The following ASNS variants were observed in gnomAD, a reference collection of about 807,000 sequenced individuals.
ASNS encodes asparagine synthetase (glutamine-hydrolyzing).
ASNS carries 37 observed loss-of-function variants against 62.6 expected under a neutral mutation model. The ratio of observed to expected loss-of-function variants is 0.59; its 90% CI spans 0.45 to 0.78. The LOEUF (loss-of-function observed/expected upper bound fraction) is 0.78, where lower values mean the gene tolerates loss of function less well. Ranked by LOEUF, ASNS falls within the 30% of genes least tolerant of loss-of-function variation. The pLI is 0.00. For missense variants in ASNS, 520 were observed against 682.4 expected, an observed-to-expected ratio of 0.76 and a Z score of 2.65; for synonymous variants, 207 against 237.9, an observed-to-expected ratio of 0.87 and a Z score of 1.19.
At chr7:97,881,177 G>A in the ASNS span, among the ~76,000 whole-genome samples, 4 of 152,260 alleles carry the variant, frequency 2.6e-5, no homozygotes, top group East Asian at 7.7e-4. Flanking sequence ...CCCAGCCTCA[G>A]GTGATCTGCC....
chr7:97,854,540 T>A (rs368356811), intron 10 of ASNS, 40 bp downstream of exon 10: 3 of 1,588,874 alleles, frequency 1.9e-6, no homozygotes, highest in African/African-American at 2.7e-5. Flanking sequence ...TTTTTGGTGT[T>A]TTTTTGTTTT....
the ASNS span, among the ~76,000 whole-genome samples, chr7:97,915,599 G>C: frequency 6.6e-6 from 1 of 152,192 alleles, no homozygotes; most frequent in African/African-American, 2.4e-5. Context: ...CATGAAAGCA[G>C]ATAACAGGGG....
At chr7:97,928,266 C>G in the ASNS span, 1 of 1,523,748 alleles carries the variant, frequency 6.6e-7, no homozygotes, top group South Asian at 1.2e-5. Flanking sequence ...TCGGGGCTTG[C>G]CAGTGGCTTT....
At chr7:97,853,517 C>A in intron 10 of ASNS, 131 bp from the exon 11 acceptor site, 1 of 698,666 alleles carries the variant, frequency 1.4e-6, no homozygotes, top group Non-Finnish European at 2.4e-6. Context: ...CACATACAAG[C>A]CTCCTAATGA....
At chr7:97,912,565 CTT>C in the ASNS span, among the ~76,000 whole-genome samples, 61 of 41,478 alleles carry the variant, frequency 1.5e-3, no homozygotes, top group Non-Finnish European at 2.3e-3. Flanking sequence ...GTTAACTTTG[CTT>C]TTTTTTTTTT....
chr7:97,873,855 C>T (rs1054538779), upstream of ASNS, among the ~76,000 whole-genome samples: 15 of 152,148 alleles, frequency 9.9e-5, no homozygotes, highest in African/African-American at 3.6e-4. Flanking sequence ...ACCTCACTTT[C>T]TATCCTGGCT....
At chr7:97,889,902 T>A in the ASNS span, among the ~76,000 whole-genome samples, 1 of 27,902 alleles carries the variant, frequency 3.6e-5, no homozygotes, top group Non-Finnish European at 6.6e-5. Flanking sequence ...CTCAGGGAGA[T>A]ACAAGAGAAC....
chr7:97,862,690 G>A (rs1428531299), intron 4 of ASNS, among the ~76,000 whole-genome samples: 1 of 151,750 alleles, frequency 6.6e-6, no homozygotes, highest in Non-Finnish European at 1.5e-5. Context: ...TAAGAGTGGG[G>A]AAAACTGGGC....
At chr7:97,867,863 C>G (rs1303557625) in intron 3 of ASNS, among the ~76,000 whole-genome samples, 1 of 152,114 alleles carries the variant, frequency 6.6e-6, no homozygotes, top group Non-Finnish European at 1.5e-5. Context: ...GAGCAGGCAA[C>G]AAACAATGAC....
At chr7:97,855,000 CGGG>C (rs1440347935) in intron 9 of ASNS, 4 of 331,566 alleles carry the variant, frequency 1.2e-5, no homozygotes, top group Non-Finnish European at 2.1e-5. Flanking sequence ...TTTTAAGAGA[CGGG>C]GTCTTACTCT....
intron 2 of ASNS, 113 bp from the exon 3 acceptor site, chr7:97,869,292 A>G (rs1792137717): frequency 6.5e-6 from 8 of 1,222,478 alleles, no homozygotes; most frequent in South Asian, 1.6e-5. Context: ...AATTTAAACC[A>G]TCTTTTCTAT....
chr7:97,875,322 A>G (rs1200362506), upstream of ASNS, among the ~76,000 whole-genome samples: 2 of 152,190 alleles, frequency 1.3e-5, no homozygotes, highest in East Asian at 3.9e-4. Flanking sequence ...TGTACTTAGT[A>G]GAGACAGGAT....
the ASNS span, chr7:97,898,605 G>A: frequency 3.1e-6 from 2 of 638,552 alleles, no homozygotes; most frequent in South Asian, 3.3e-5. Flanking sequence ...CATCTCTCAG[G>A]TCATGATTCC....
chr7:97,888,502 C>T, the ASNS span, among the ~76,000 whole-genome samples: 1 of 152,136 alleles, frequency 6.6e-6, no homozygotes, highest in Admixed American at 6.5e-5. Flanking sequence ...TCTACATAAG[C>T]TTTTAGGCTA....
chr7:97,919,192 T>G, the ASNS span, among the ~76,000 whole-genome samples: 1 of 152,174 alleles, frequency 6.6e-6, no homozygotes, highest in East Asian at 1.9e-4. Context: ...TGCTCCTCAC[T>G]GCAACCTGCT....
the ASNS span, among the ~76,000 whole-genome samples, chr7:97,926,695 G>T: frequency 1.3e-5 from 2 of 152,190 alleles, no homozygotes; most frequent in Admixed American, 6.5e-5. Context: ...CGAAAAGAGC[G>T]TGCCATATTC....
chr7:97,876,164 T>C (rs2115805592), upstream of ASNS, among the ~76,000 whole-genome samples: 1 of 152,156 alleles, frequency 6.6e-6, no homozygotes, highest in East Asian at 1.9e-4. Flanking sequence ...GCCTTGAGTA[T>C]GATTTTTGAT....
At chr7:97,883,919 T>C in the ASNS span, among the ~76,000 whole-genome samples, 2 of 135,440 alleles carry the variant, frequency 1.5e-5, no homozygotes, top group Non-Finnish European at 3.1e-5. Context: ...ACGCGGGAGG[T>C]GGAGCTTGCA....
chr7:97,883,707 G>GC, the ASNS span, among the ~76,000 whole-genome samples: 1 of 152,190 alleles, frequency 6.6e-6, no homozygotes, highest in South Asian at 2.1e-4. Flanking sequence ...TAAAAGCTCG[G>GC]CCGGGCGCGG....
Sources: gnomAD v4.1 joint callset for allele counts (sites outside exome capture counted in the v4.1 genomes callset) on GRCh38, gnomAD v4.1.1 for gene constraint, MANE v1.5 for transcripts, NCBI Gene and HGNC (gene_info 2026-07-23, HGNC 2026-07-21) for gene names.